Variants in SYNDIG1 observed in about 807,000 individuals in gnomAD.
The protein encoded by SYNDIG1 is synapse differentiation inducing 1.
SYNDIG1 carries 9 observed loss-of-function variants against 19.4 expected under a neutral mutation model. The ratio of observed to expected loss-of-function variants is 0.46; its 90% CI spans 0.28 to 0.81. The LOEUF (loss-of-function observed/expected upper bound fraction) is 0.81. Among genes scored for constraint, SYNDIG1 ranks in the 30% least tolerant of loss-of-function variants. The pLI is 0.12. For synonymous variants in SYNDIG1, 141 were observed against 145.9 expected (o/e 0.97, Z 0.24); for missense variants, 311 against 343.3 (o/e 0.91, Z 0.74).
At chr20:24,639,794 T>C (rs897864502) in intron 3 of SYNDIG1, among the ~76,000 whole-genome samples, 11 of 152,184 alleles carry the variant, frequency 7.2e-5, no homozygotes, top group Non-Finnish European at 1.5e-4. Context: ...ATAGGTAAGA[T>C]TAAATTTTAA....
At chr20:24,599,081 A>G (rs1277490834) in intron 3 of SYNDIG1, among the ~76,000 whole-genome samples, 1 of 152,210 alleles carries the variant, frequency 6.6e-6, no homozygotes, top group Non-Finnish European at 1.5e-5. Flanking sequence ...AATATTTGCA[A>G]ACTAGACATC....
At chr20:24,622,308 C>T (rs1015665207) in intron 3 of SYNDIG1, among the ~76,000 whole-genome samples, 2 of 152,152 alleles carry the variant, frequency 1.3e-5, no homozygotes, top group African/African-American at 4.8e-5. Flanking sequence ...GGAAATGACC[C>T]AAACTGAAAC....
intron 1 of SYNDIG1, among the ~76,000 whole-genome samples, chr20:24,536,585 C>T (rs559106757): frequency 3.2e-4 from 48 of 152,248 alleles, no homozygotes; most frequent in South Asian, 1.2e-3. Flanking sequence ...AAATATCCTC[C>T]GGGTTACGCC....
intron 1 of SYNDIG1, among the ~76,000 whole-genome samples, chr20:24,506,670 A>G (rs758680581): frequency 9.2e-5 from 14 of 152,194 alleles, no homozygotes; most frequent in Admixed American, 2.6e-4. Context: ...GGCCACATCT[A>G]AAATAAAAGC....
intron 3 of SYNDIG1, among the ~76,000 whole-genome samples, chr20:24,650,444 C>T (rs2059459057): frequency 6.6e-6 from 1 of 152,220 alleles, no homozygotes; most frequent in Admixed American, 6.5e-5. Flanking sequence ...CTGTGTGCTC[C>T]CACGCAGTCA....
At chr20:24,636,511 G>A (rs890853954) in intron 3 of SYNDIG1, among the ~76,000 whole-genome samples, 2 of 152,206 alleles carry the variant, frequency 1.3e-5, no homozygotes, top group Admixed American at 6.5e-5. Context: ...TGGACCAGGT[G>A]TGCCATTTAC....
chr20:24,643,611 G>A (rs1044501762), intron 3 of SYNDIG1, among the ~76,000 whole-genome samples: 1 of 152,214 alleles, frequency 6.6e-6, no homozygotes, highest in African/African-American at 2.4e-5. Flanking sequence ...CTTCAGTGAG[G>A]TTGTTTCATA....
chr20:24,532,840 C>T (rs942618647), intron 1 of SYNDIG1, among the ~76,000 whole-genome samples: 1 of 152,154 alleles, frequency 6.6e-6, no homozygotes, highest in Non-Finnish European at 1.5e-5. Flanking sequence ...CCACCTATTT[C>T]TCTTCGTATC....
chr20:24,626,748 G>C (rs8118887), intron 3 of SYNDIG1, among the ~76,000 whole-genome samples: 73 of 152,278 alleles, frequency 4.8e-4, no homozygotes, highest in Middle Eastern at 6.8e-3. Context: ...AGGTTGTAGC[G>C]AGCCGAGATC....
chr20:24,495,754 T>C (rs1600433451), intron 1 of SYNDIG1: 1 of 152,246 alleles, frequency 6.6e-6, no homozygotes, highest in African/African-American at 2.4e-5. Flanking sequence ...ATCACATTGG[T>C]GAGGTGGGCC....
chr20:24,554,842 T>C (rs1346078402), intron 2 of SYNDIG1, among the ~76,000 whole-genome samples: 5 of 151,706 alleles, frequency 3.3e-5, no homozygotes, highest in Non-Finnish European at 4.4e-5. Context: ...GAGGATTCCC[T>C]CTTTTTCTAT....
At chr20:24,583,248 G>A (rs1471554110) in intron 2 of SYNDIG1, among the ~76,000 whole-genome samples, 1 of 152,228 alleles carries the variant, frequency 6.6e-6, no homozygotes, top group Non-Finnish European at 1.5e-5. Flanking sequence ...GCAAGCAGCG[G>A]GCTCGCAGCC....
Position 24,665,542 on chromosome 20 carries a change from T to C in SYNDIG1, c.*38T>C. 9 of 1,612,798 alleles carry C rather than the reference T, an allele frequency of 5.6e-6. No homozygotes were observed. Among genetic ancestry groups the C allele is most frequent in the Non-Finnish European group, 7.6e-6 (9 of 1,179,658 alleles). On this transcript the variant is annotated 3_prime_UTR_variant, in exon 4 of 4. Transcript: ENST00000376862. ...TGGAGGGGGAGCACCCGGGGCCAGG[T>C]CTGTGTGGACGTGGAGGAAGCAGGC...
At chr20:24,588,494 T>C (rs1012077837) in intron 3 of SYNDIG1, among the ~76,000 whole-genome samples, 7 of 152,212 alleles carry the variant, frequency 4.6e-5, no homozygotes, top group African/African-American at 1.7e-4. Flanking sequence ...TTGCTAGAAA[T>C]GCACACTGTC....
chr20:24,591,801 C>A (rs11699136), intron 3 of SYNDIG1, among the ~76,000 whole-genome samples: 25,678 of 152,120 alleles, frequency 0.17, 2,475 homozygotes, highest in East Asian at 0.34. Flanking sequence ...GGATTCGGTG[C>A]CCCCACCATC....
rs753046947 is a variant in SYNDIG1, at chr20:24,517,630, G to GTATA, written c.-78-25377_-78-25374dup. ...TGAGACTCTGTGTCAAAAAAAAAAA[G>GTATA]TATATATATATATATACACATATAT... On this transcript the variant is annotated intron_variant, in intron 1 of 3. Coordinates refer to ENST00000376862, the MANE Select transcript of SYNDIG1 (RefSeq NM_024893.3). 3.8e-4 allele frequency among the ~76,000 whole-genome samples: 49 copies of GTATA among 129,862 alleles called. 1 individual carries two copies. The highest frequency in any genetic ancestry group is 1.4e-3 in the African/African-American group (48 of 34,646). The allele number at this position is 129,862 out of a possible 152,430, so 85.2% of individuals were successfully genotyped here. A position where few individuals can be genotyped will look rare whatever the true frequency, so the allele number is the denominator to read the frequency against.
At chr20:24,610,456 G>T (rs573120831) in intron 3 of SYNDIG1, among the ~76,000 whole-genome samples, 1 of 152,190 alleles carries the variant, frequency 6.6e-6, no homozygotes, top group Non-Finnish European at 1.5e-5. Flanking sequence ...GCACACGGGG[G>T]GGCGAGTGCT....
At chr20:24,606,261 G>A (rs926372806) in intron 3 of SYNDIG1, among the ~76,000 whole-genome samples, 1 of 152,248 alleles carries the variant, frequency 6.6e-6, no homozygotes, top group South Asian at 2.1e-4. Flanking sequence ...AGCTCCACCT[G>A]TCAGGGGATG....
Position 24,486,687 on chromosome 20 carries a change from T to A in SYNDIG1, c.-79+16934T>A, listed in dbSNP as rs139443572. Among the ~76,000 whole-genome samples, 507 of 151,818 alleles carry A rather than the reference T, an allele frequency of 3.3e-3. 7 individuals carry two copies. Among genetic ancestry groups the A allele is most frequent in the African/African-American group, 0.012 (485 of 41,392 alleles). On this transcript the variant is annotated intron_variant, in intron 1 of 3. Transcript: ENST00000376862. ...TTTTTTTTGTTTTTTTGTGATGGAGTCTCGCTCTGTCACCAGGCTGGAGTG... is the reference window on the plus strand; with the variant it reads ...TTTTTTTTGTTTTTTTGTGATGGAGACTCGCTCTGTCACCAGGCTGGAGTG...
Sources: allele counts gnomAD v4.1 joint callset (sites outside exome capture counted in the v4.1 genomes callset), GRCh38; gene constraint gnomAD v4.1.1; transcripts MANE v1.5; gene names NCBI Gene and HGNC (gene_info 2026-07-23, HGNC 2026-07-21).